RIF1: variants seen among roughly 807,000 people sequenced by gnomAD.
The protein encoded by RIF1 is replication timing regulatory factor 1, also known as telomere-associated protein RIF1.
RIF1 carries 45 observed loss-of-function variants against 247.1 expected under a neutral mutation model. The ratio of observed to expected loss-of-function variants is 0.18; its 90% confidence interval spans 0.14 to 0.23. The LOEUF is 0.23. Ranked by LOEUF, RIF1 falls within the 10% of genes least tolerant of loss-of-function variation. The pLI is 1.00. For synonymous variants in RIF1, 1,087 were observed against 978.8 expected (o/e 1.11, Z -2.06); for missense variants, 2,967 against 2,862.5 (o/e 1.04, Z -0.83).
At chr2:151,433,745 G>A (rs879467626) in intron 10 of RIF1, among the ~76,000 whole-genome samples, 1 of 151,814 alleles carries the variant, frequency 6.6e-6, no homozygotes, top group African/African-American at 2.4e-5. Flanking sequence ...ATGAGCCACC[G>A]CGCCTGGCCC....
At position 151,493,824 on chromosome 2, in the gene RIF1, A is replaced by C. The variant is rs376664167; in HGVS notation, c.*416-1405A>C. 1.2e-4 allele frequency: 196 copies of C among 1,588,592 alleles called. No individual in the cohort carries two copies. Among genetic ancestry groups the C allele is most frequent in the Non-Finnish European group, 1.6e-4 (182 of 1,165,966 alleles). On this transcript the variant is annotated intron_variant and NMD_transcript_variant, in intron 9 of 13. Coordinates refer to the RIF1 transcript ENST00000454583. ...TTTCACTCTTTCCATCTCAGGAGTA[A>C]AGGGTGTGGGGGTTGCTTTCCCCAG...
Position 151,497,647 on chromosome 2 carries a change from G to GTGTT in RIF1, c.*514-1695_*514-1692dup, listed in dbSNP as rs1553551748. ...GTACCGAGCTAATATTTTCTTGATT[G>GTGTT]TGTTTGACTCTTTCCATCTCGGGAG... is the stretch of plus-strand genomic sequence containing the variant. On this transcript the variant is annotated intron_variant and NMD_transcript_variant, in intron 10 of 13. Coordinates refer to the RIF1 transcript ENST00000454583. 8 of 1,579,920 alleles carry GTGTT rather than the reference G, an allele frequency of 5.1e-6. No homozygotes were observed. Among genetic ancestry groups the GTGTT allele is most frequent in the East Asian group, 2.3e-5 (1 of 43,980 alleles).
the RIF1 span, among the ~76,000 whole-genome samples, chr2:151,522,498 G>A: frequency 6.6e-6 from 1 of 152,206 alleles, no homozygotes; most frequent in Non-Finnish European, 1.5e-5. Context: ...GTCCATCTCT[G>A]AGTCTAGTCT....
At chr2:151,410,125 CG>C (rs1685884944) in intron 1 of RIF1, 92 bp downstream of exon 1, 2 of 684,986 alleles carry the variant, frequency 2.9e-6, no homozygotes, top group Non-Finnish European at 5.3e-6. Flanking sequence ...CCTCGTTCCC[CG>C]GGCTTCTCCC....
chr2:151,526,302 G>T, the RIF1 span: 2 of 1,326,556 alleles, frequency 1.5e-6, no homozygotes, highest in Non-Finnish European at 2.1e-6. Flanking sequence ...TAGCTCTGCT[G>T]GATATCCTAC....
chr2:151,472,582 T>G (rs952882612), intron 34 of RIF1, among the ~76,000 whole-genome samples: 3 of 151,876 alleles, frequency 2.0e-5, no homozygotes, highest in African/African-American at 4.8e-5. Flanking sequence ...TAGCATGAAG[T>G]GTTGTTGAAT....
chr2:151,530,056 T>A, the RIF1 span, among the ~76,000 whole-genome samples: 2 of 152,338 alleles, frequency 1.3e-5, no homozygotes, highest in South Asian at 4.1e-4. Context: ...TAATTTTTTT[T>A]AATCTGCCTA....
chr2:151,463,335 T>C lies in RIF1; in HGVS notation c.3815T>C (p.Phe1272Ser). 2 of 1,613,864 alleles carry C rather than the reference T, an allele frequency of 1.2e-6. No homozygotes were observed. Among genetic ancestry groups the C allele is most frequent in the South Asian group, 1.1e-5 (1 of 90,998 alleles). Residue 1272 changes from phenylalanine (F) to serine (S), a missense_variant, in exon 30 of 36, where the codon TTT (phenylalanine) becomes TCT (serine). By Grantham distance (155) the Phe-to-Ser change is radical. Transcript: ENST00000444746. ...LPKAKQREGT[F>S]SKSDSEKIVN... ...AAAGCAAAGCAAAGAGAAGGGACTT[T>C]TTCAAAATCTGATTCTGAAAAAATA... is the stretch of plus-strand genomic sequence containing the variant.
the RIF1 span, chr2:151,531,841 T>TC: frequency 6.2e-7 from 1 of 1,613,220 alleles, no homozygotes; most frequent in South Asian, 1.1e-5. Flanking sequence ...TTCTGGAGTA[T>TC]CCACAATTGA....
intron 10 of RIF1, chr2:151,497,831 T>TGACA (rs1201725978): frequency 1.0e-5 from 16 of 1,525,392 alleles, no homozygotes; most frequent in African/African-American, 1.4e-5. Flanking sequence ...AGTTATATGC[T>TGACA]GACAAAATGC....
At chr2:151,500,973 T>C (rs2064023818) in intron 11 of RIF1, among the ~76,000 whole-genome samples, 1 of 152,218 alleles carries the variant, frequency 6.6e-6, no homozygotes, top group Non-Finnish European at 1.5e-5. Context: ...GAATAGGGTC[T>C]ATGTTAAGAT....
intron 15 of RIF1, among the ~76,000 whole-genome samples, chr2:151,440,558 A>T (rs1309183143): frequency 2.0e-5 from 3 of 152,202 alleles, no homozygotes; most frequent in Non-Finnish European, 4.4e-5. Flanking sequence ...GTACAGGAAG[A>T]AAAGTGAATT....
chr2:151,499,804 T>G (rs1237022879), intron 11 of RIF1, among the ~76,000 whole-genome samples: 3 of 152,218 alleles, frequency 2.0e-5, no homozygotes, highest in African/African-American at 4.8e-5. Context: ...AATATGGCAA[T>G]TTGGTCCTTG....
In RIF1 at chr2:151,475,961, A is replaced by G. The variant is rs563011271; in HGVS notation, c.*890A>G. The G allele has an allele frequency of 5.2e-5, 8 of 152,746 alleles. No homozygotes were observed. Among genetic ancestry groups the G allele is most frequent in the Non-Finnish European group, 1.0e-4 (7 of 67,996 alleles). The allele number at this position is 152,746 out of a possible 1,614,324, so 9.5% of individuals were successfully genotyped here. On this transcript the variant is annotated 3_prime_UTR_variant, in exon 36 of 36. Coordinates refer to ENST00000444746, the MANE Select transcript of RIF1 (RefSeq NM_018151.5). ...GCTGCACATATTTGTAGGATACTGT[A>G]TCTGCAAATGCAACAACAAATAGTT...
At chr2:151,497,699 A>G (rs1052278862) in intron 10 of RIF1, 1 of 1,579,862 alleles carries the variant, frequency 6.3e-7, no homozygotes, top group Non-Finnish European at 8.6e-7. Context: ...TCCCTTGCCC[A>G]TGTTTTCTTT....
At chr2:151,517,231 G>A in the RIF1 span, among the ~76,000 whole-genome samples, 7 of 152,150 alleles carry the variant, frequency 4.6e-5, no homozygotes, top group Non-Finnish European at 1.5e-5. Context: ...AAGAATCAGG[G>A]GAGCCACATA....
At chr2:151,437,664 C>G (rs1691485779) in intron 13 of RIF1, among the ~76,000 whole-genome samples, 2 of 152,070 alleles carry the variant, frequency 1.3e-5, no homozygotes, top group Non-Finnish European at 2.9e-5. Flanking sequence ...GCACTGCAGC[C>G]TGGGTGATAG....
rs1385661114 is a variant in RIF1 at position 151,463,711 on chromosome 2, A to C, written c.4191A>C (p.Gln1397His). The C allele has an allele frequency of 6.2e-7, 1 of 1,613,896 alleles. No individual in the cohort carries two copies. The highest frequency in any genetic ancestry group is 2.2e-5 in the East Asian group (1 of 44,880). ...CCCCAGTAGTAATATCAGCAGATCAAATGGTAAATGAGGATAGTCAGGTTC... is the reference window on the plus strand; with the variant it reads ...CCCCAGTAGTAATATCAGCAGATCACATGGTAAATGAGGATAGTCAGGTTC... ...NTPPVVISAD[Q>H]MVNEDSQVQI... Residue 1397 changes from glutamine (Q) to histidine (H), a missense_variant, in exon 30 of 36, where the codon CAA becomes CAC. Transcript: ENST00000444746.
intron 10 of RIF1, chr2:151,498,118 A>T: frequency 1.3e-6 from 2 of 1,509,290 alleles, no homozygotes; most frequent in South Asian, 2.5e-5. Context: ...GTATTATAGA[A>T]ATGGGAAAGT....
Sources: gnomAD v4.1 joint callset for allele counts (sites outside exome capture counted in the v4.1 genomes callset) on GRCh38, gnomAD v4.1.1 for gene constraint, MANE v1.5 for transcripts, NCBI Gene and HGNC (gene_info 2026-07-23, HGNC 2026-07-21) for gene names.